The following OPCML variants were observed in gnomAD, a reference collection of about 807,000 sequenced individuals.
The protein encoded by OPCML is opioid-binding protein/cell adhesion molecule.
Under a neutral mutation model 37.8 loss-of-function variants are expected in OPCML, and 13 were observed. That is an observed-to-expected ratio of 0.34 (90% CI 0.22 to 0.55). OPCML has a LOEUF of 0.55. OPCML is among the 20% of genes least tolerant of loss of function. OPCML has a pLI of 0.91. For synonymous variants in OPCML, 176 were observed against 168.8 expected, an observed-to-expected ratio of 1.04 and a Z score of -0.33; for missense variants, 341 against 435.6, an observed-to-expected ratio of 0.78 and a Z score of 1.93.
At chr11:132,420,316 G>A (rs1266473340) in intron 7 of OPCML, 23 bp from the exon 8 acceptor site, 5 of 1,612,826 alleles carry the variant, frequency 3.1e-6, no homozygotes, top group Non-Finnish European at 4.2e-6. Context: ...GAGAGAGACA[G>A]ACCCATTAGC....
intron 3 of OPCML, among the ~76,000 whole-genome samples, chr11:132,565,677 C>G (rs755474681): frequency 1.3e-5 from 2 of 152,134 alleles, no homozygotes; most frequent in Non-Finnish European, 2.9e-5. Flanking sequence ...TATAGAAAAC[C>G]AATGTGTCTT....
At chr11:132,620,082 T>C (rs1331965361) in intron 3 of OPCML, among the ~76,000 whole-genome samples, 1 of 152,136 alleles carries the variant, frequency 6.6e-6, no homozygotes, top group Non-Finnish European at 1.5e-5. Flanking sequence ...AGAAGAAAAA[T>C]CAATACTGTT....
At chr11:132,732,720 G>C (rs534061153) in intron 2 of OPCML, among the ~76,000 whole-genome samples, 12 of 152,296 alleles carry the variant, frequency 7.9e-5, no homozygotes, top group Non-Finnish European at 1.6e-4. Context: ...AAGAGAGATT[G>C]TTAGGTTATA....
At chr11:132,437,412 C>A in intron 4 of OPCML, 53 bp from the exon 5 acceptor site, 1 of 1,598,172 alleles carries the variant, frequency 6.3e-7, no homozygotes, top group Non-Finnish European at 8.5e-7. Context: ...TAACCAGGGA[C>A]AGAACCATAT....
intron 2 of OPCML, among the ~76,000 whole-genome samples, chr11:132,856,665 G>A (rs1276516029): frequency 6.6e-6 from 1 of 152,130 alleles, no homozygotes; most frequent in Non-Finnish European, 1.5e-5. Flanking sequence ...CTTCCTCTAG[G>A]AATACTCAAC....
chr11:133,496,003 A>G (rs1204107110), intron 1 of OPCML, among the ~76,000 whole-genome samples: 1 of 152,172 alleles, frequency 6.6e-6, no homozygotes, highest in East Asian at 1.9e-4. Flanking sequence ...GGTTTTACCA[A>G]CGTTATCTTC....
At chr11:132,441,867 T>C (rs938729286) in intron 4 of OPCML, among the ~76,000 whole-genome samples, 1 of 152,154 alleles carries the variant, frequency 6.6e-6, no homozygotes, top group African/African-American at 2.4e-5. Context: ...CAGGGTTCTG[T>C]GGATCTAAGG....
At chr11:133,112,648 A>T (rs1173960998) in intron 1 of OPCML, among the ~76,000 whole-genome samples, 2 of 152,144 alleles carry the variant, frequency 1.3e-5, no homozygotes, top group Non-Finnish European at 2.9e-5. Flanking sequence ...TTTGCCGTGA[A>T]TGCTTTGATA....
In OPCML at chr11:132,625,272, A is replaced by G. The variant is rs1939669540; in HGVS notation, c.379+31815T>C. Among the ~76,000 whole-genome samples the G allele has an allele frequency of 2.6e-5, 4 of 152,258 alleles. No homozygotes were observed. In the South Asian group the frequency reaches 8.3e-4, roughly 32 times the overall value. ...ATTTTTGCAGATCAGGTTAAGTTAC[A>G]TGAACAGGGACCAGAAAAGGAGCAC... On this transcript the variant is annotated intron_variant, in intron 3 of 7. Transcript: ENST00000524381.
At chr11:132,793,369 A>T (rs1938069873) in intron 2 of OPCML, among the ~76,000 whole-genome samples, 2 of 152,174 alleles carry the variant, frequency 1.3e-5, no homozygotes, top group South Asian at 4.1e-4. Context: ...TTATGCATAT[A>T]TTTTATTGCC....
At chr11:132,969,257 T>C (rs1005047266) in intron 1 of OPCML, among the ~76,000 whole-genome samples, 2 of 152,218 alleles carry the variant, frequency 1.3e-5, no homozygotes, top group East Asian at 1.9e-4. Flanking sequence ...TACTGCCTTA[T>C]AGTCTCCACC....
rs746308632 is a variant in OPCML, at chr11:133,172,496, C to A, written c.62-229486G>T. 9.3e-4 allele frequency among the ~76,000 whole-genome samples: 142 copies of A among 152,008 alleles called. 6 individuals are homozygous for A. The highest frequency in any genetic ancestry group is 3.3e-4 in the Admixed American group (5 of 15,256). ...AGAGAAAACCCCACGGACAAAGGCCCAGAGAGAGGGAGAATCAGGCGTGGT... is the reference window on the plus strand; with the variant it reads ...AGAGAAAACCCCACGGACAAAGGCCAAGAGAGAGGGAGAATCAGGCGTGGT... On this transcript the variant is annotated intron_variant, in intron 1 of 7. Coordinates refer to ENST00000524381, the MANE Select transcript of OPCML (RefSeq NM_001012393.5).
At chr11:133,075,251 T>G (rs1210657856) in intron 1 of OPCML, among the ~76,000 whole-genome samples, 1 of 152,214 alleles carries the variant, frequency 6.6e-6, no homozygotes, top group Admixed American at 6.5e-5. Context: ...AGGAATGGTT[T>G]GGCAACCTGC....
chr11:133,023,400 G>C (rs1346042355), intron 1 of OPCML, among the ~76,000 whole-genome samples: 1 of 152,110 alleles, frequency 6.6e-6, no homozygotes, highest in Admixed American at 6.5e-5. Flanking sequence ...CGATGCTCGG[G>C]GATGAAAGGA....
At chr11:133,481,209 A>G (rs1947363593) in intron 1 of OPCML, among the ~76,000 whole-genome samples, 1 of 152,228 alleles carries the variant, frequency 6.6e-6, no homozygotes, top group Non-Finnish European at 1.5e-5. Flanking sequence ...ACAGCTTATA[A>G]ATACAAAAGT....
At chr11:132,725,816 G>A (rs1241487677) in intron 2 of OPCML, among the ~76,000 whole-genome samples, 2 of 150,608 alleles carry the variant, frequency 1.3e-5, no homozygotes, top group African/African-American at 4.9e-5. Context: ...TTCTCTGCCA[G>A]ATACCATAAA....
chr11:133,072,804 T>C (rs989517880), intron 1 of OPCML, among the ~76,000 whole-genome samples: 1 of 152,194 alleles, frequency 6.6e-6, no homozygotes, highest in Non-Finnish European at 1.5e-5. Flanking sequence ...AAGGGGACTG[T>C]AAGTACTCAA....
chr11:132,479,247 C>A (rs993898953), intron 4 of OPCML, among the ~76,000 whole-genome samples: 6 of 152,136 alleles, frequency 3.9e-5, no homozygotes, highest in African/African-American at 1.2e-4. Flanking sequence ...CTTTCCTAGT[C>A]AAAGAAAGGG....
intron 2 of OPCML, among the ~76,000 whole-genome samples, chr11:132,794,684 A>C (rs1938186389): frequency 6.6e-6 from 1 of 151,848 alleles, no homozygotes; most frequent in Non-Finnish European, 1.5e-5. Context: ...GCAAATAACC[A>C]CCTCCTACAC....
Sources: allele counts gnomAD v4.1 joint callset (sites outside exome capture counted in the v4.1 genomes callset), GRCh38; gene constraint gnomAD v4.1.1; transcripts MANE v1.5; gene names NCBI Gene and HGNC (gene_info 2026-07-23, HGNC 2026-07-21).